Variants in WDR70 observed in about 807,000 individuals in gnomAD.
WDR70 encodes WD repeat-containing protein 70.
WDR70 carries 53 observed loss-of-function variants against 88.6 expected under a neutral mutation model. The ratio of observed to expected loss-of-function variants is 0.60; its 90% confidence interval spans 0.48 to 0.75. The LOEUF is 0.75. Ranked by LOEUF, WDR70 falls within the 30% of genes least tolerant of loss-of-function variation. The pLI is 0.00. For missense variants in WDR70, 610 were observed against 823.2 expected, an observed-to-expected ratio of 0.74 and a Z score of 3.17; for synonymous variants, 280 against 270.0, an observed-to-expected ratio of 1.04 and a Z score of -0.36.
chr5:37,380,700 T>G (rs1267363780), intron 2 of WDR70, among the ~76,000 whole-genome samples: 1 of 151,978 alleles, frequency 6.6e-6, no homozygotes, highest in Non-Finnish European at 1.5e-5. Context: ...CAGGCTGGAG[T>G]GTACTAGTGC....
intron 9 of WDR70, among the ~76,000 whole-genome samples, chr5:37,557,961 T>TGACAACTCTTCAAAAGA (rs1176435994): frequency 6.7e-6 from 1 of 148,394 alleles, no homozygotes; most frequent in Non-Finnish European, 1.5e-5. Context: ...AAGAGTATTA[T>TGACAACTCTTCAAAAGA]GTATATTTAT....
intron 10 of WDR70, among the ~76,000 whole-genome samples, chr5:37,628,285 T>G (rs1375189738): frequency 6.6e-6 from 1 of 152,166 alleles, no homozygotes; most frequent in Non-Finnish European, 1.5e-5. Context: ...TTTCCAGTGC[T>G]GAGAGTGGGG....
At chr5:37,682,696 A>T (rs1042877274) in intron 10 of WDR70, among the ~76,000 whole-genome samples, 3 of 152,150 alleles carry the variant, frequency 2.0e-5, no homozygotes, top group African/African-American at 7.2e-5. Context: ...GTCATTCATG[A>T]ACAGATTATT....
intron 9 of WDR70, among the ~76,000 whole-genome samples, chr5:37,585,007 T>A (rs1225717753): frequency 2.7e-5 from 4 of 148,822 alleles, no homozygotes; most frequent in African/African-American, 9.9e-5. Flanking sequence ...CTTTTTTTTT[T>A]GGAGATGGAG....
At chr5:37,520,697 A>G (rs775893315) in intron 9 of WDR70, among the ~76,000 whole-genome samples, 14 of 152,164 alleles carry the variant, frequency 9.2e-5, no homozygotes, top group Non-Finnish European at 1.8e-4. Context: ...ATTTTATTAT[A>G]TGATAAAGTG....
At chr5:37,389,648 G>A (rs1244311817) in intron 3 of WDR70, among the ~76,000 whole-genome samples, 6 of 152,092 alleles carry the variant, frequency 3.9e-5, no homozygotes, top group South Asian at 2.1e-4. Context: ...TCCTGACCTC[G>A]TGATCCGCCT....
intron 10 of WDR70, among the ~76,000 whole-genome samples, chr5:37,678,305 T>G (rs1331922461): frequency 6.6e-6 from 1 of 152,224 alleles, no homozygotes; most frequent in African/African-American, 2.4e-5. Flanking sequence ...GCTCGTTAGT[T>G]GATGCAATTT....
intron 7 of WDR70, among the ~76,000 whole-genome samples, chr5:37,472,912 G>A (rs2112137364): frequency 6.6e-6 from 1 of 152,146 alleles, no homozygotes; most frequent in South Asian, 2.1e-4. Context: ...GAATAGAACT[G>A]CTGAGTCGTA....
At chr5:37,468,285 AAT>A (rs2112125802) in intron 7 of WDR70, among the ~76,000 whole-genome samples, 1 of 152,328 alleles carries the variant, frequency 6.6e-6, no homozygotes, top group South Asian at 2.1e-4. Context: ...TAACAATACC[AAT>A]AATGTTTCAG....
intron 10 of WDR70, among the ~76,000 whole-genome samples, chr5:37,615,170 A>C (rs908981054): frequency 6.6e-6 from 1 of 152,118 alleles, no homozygotes; most frequent in African/African-American, 2.4e-5. Context: ...GATAGAAAAA[A>C]GATAGGAGAC....
At chr5:37,682,581 T>A (rs2112620499) in intron 10 of WDR70, among the ~76,000 whole-genome samples, 1 of 152,280 alleles carries the variant, frequency 6.6e-6, no homozygotes, top group South Asian at 2.1e-4. Context: ...ATAAATTTCC[T>A]TCTTAACACT....
intron 7 of WDR70, among the ~76,000 whole-genome samples, chr5:37,471,557 G>C (rs566424533): frequency 1.3e-5 from 2 of 151,268 alleles, no homozygotes; most frequent in African/African-American, 4.9e-5. Flanking sequence ...CGCAATTTTT[G>C]GCTTGTTTTG....
At chr5:37,411,842 A>G (rs879443375) in intron 5 of WDR70, among the ~76,000 whole-genome samples, 2 of 152,112 alleles carry the variant, frequency 1.3e-5, no homozygotes, top group Non-Finnish European at 2.9e-5. Flanking sequence ...TTTGTTTCTT[A>G]TATGTATTTT....
intron 5 of WDR70, among the ~76,000 whole-genome samples, chr5:37,433,201 C>T (rs1463886053): frequency 6.6e-6 from 1 of 152,076 alleles, no homozygotes; most frequent in Non-Finnish European, 1.5e-5. Context: ...GTTAGAATTA[C>T]AGGTGTGTGC....
At position 37,500,373 on chromosome 5, in the gene WDR70, AT is replaced by A. The variant is rs546761561; in HGVS notation, c.841-16139del. Reference sequence around the variant, plus strand: ...TTTTGGTTGGTTACATACCTTTGCAATTGTGAACTGTGCTGCAATAAACATA... The same window carrying A: ...TTTTGGTTGGTTACATACCTTTGCAATGTGAACTGTGCTGCAATAAACATA... On this transcript the variant is annotated intron_variant, in intron 8 of 17. Coordinates refer to ENST00000265107, the MANE Select transcript of WDR70 (RefSeq NM_018034.4). 6.7e-4 allele frequency among the ~76,000 whole-genome samples: 102 copies of A among 152,328 alleles called. 1 individual carries two copies. Among genetic ancestry groups the A allele is most frequent in the Non-Finnish European group, 5.9e-5 (4 of 68,026 alleles).
intron 6 of WDR70, among the ~76,000 whole-genome samples, chr5:37,442,339 CA>C (rs1450600109): frequency 2.2e-4 from 9 of 40,824 alleles, no homozygotes; most frequent in East Asian, 2.7e-3. Context: ...GCCTGGCCTG[CA>C]AATTTTTTTT....
At chr5:37,526,349 A>AT (rs1741271687) in intron 9 of WDR70, among the ~76,000 whole-genome samples, 1 of 152,216 alleles carries the variant, frequency 6.6e-6, no homozygotes, top group African/African-American at 2.4e-5. Flanking sequence ...CAATAAACGT[A>AT]ATCCATCATA....
chr5:37,606,195 G>A (rs1285972005), intron 10 of WDR70, among the ~76,000 whole-genome samples: 1 of 152,102 alleles, frequency 6.6e-6, no homozygotes, highest in Non-Finnish European at 1.5e-5. Context: ...CAGATGTGTT[G>A]GAAGAAGGTT....
chr5:37,394,305 ATC>A (rs1411862473), intron 4 of WDR70, among the ~76,000 whole-genome samples: 2 of 149,172 alleles, frequency 1.3e-5, no homozygotes, highest in Admixed American at 6.7e-5. Flanking sequence ...AAAAAAAAAA[ATC>A]TGTTTTAAAC....
Sources: allele counts gnomAD v4.1 joint callset (sites outside exome capture counted in the v4.1 genomes callset), GRCh38; gene constraint gnomAD v4.1.1; transcripts MANE v1.5; gene names NCBI Gene and HGNC (gene_info 2026-07-23, HGNC 2026-07-21).